The following NTM variants were observed in gnomAD, a reference collection of about 807,000 sequenced individuals.
NTM encodes the protein neurotrimin.
NTM carries 13 observed loss-of-function variants against 42.1 expected under a neutral mutation model. The ratio of observed to expected loss-of-function variants is 0.31; its 90% CI spans 0.20 to 0.49. The LOEUF is 0.49. Ranked by LOEUF, NTM falls within the 20% of genes least tolerant of loss-of-function variation. The probability of loss-of-function intolerance (pLI) is 0.99; values close to 1 mark genes in which losing one functional copy is unlikely to be tolerated. For synonymous variants in NTM, 187 were observed against 179.2 expected (o/e 1.04, Z -0.35); for missense variants, 373 against 452.8 (o/e 0.82, Z 1.60).
chr11:131,922,436 A>G (rs889478589), intron 2 of NTM, among the ~76,000 whole-genome samples: 2 of 152,158 alleles, frequency 1.3e-5, no homozygotes, highest in African/African-American at 4.8e-5. Context: ...CCCTTGACGC[A>G]AGGCCCACTG....
chr11:132,325,604 T>C (rs934724850), intron 7 of NTM, among the ~76,000 whole-genome samples: 3 of 152,036 alleles, frequency 2.0e-5, no homozygotes, highest in Admixed American at 6.6e-5. Flanking sequence ...TGGAAGTCAG[T>C]GTGGCGATTC....
intron 1 of NTM, among the ~76,000 whole-genome samples, chr11:131,376,395 G>A (rs1941978898): frequency 6.6e-6 from 1 of 151,576 alleles, no homozygotes; most frequent in Non-Finnish European, 1.5e-5. Flanking sequence ...CTTTTCTACT[G>A]CTTCTAAAAT....
At chr11:131,524,199 G>A (rs1022285) in intron 1 of NTM, among the ~76,000 whole-genome samples, 27,011 of 152,138 alleles carry the variant, frequency 0.18, 2,460 homozygotes, top group Middle Eastern at 0.23. Flanking sequence ...TCGCTCTCAC[G>A]CCTTGCTGCT....
At chr11:131,720,319 C>T (rs1380498382) in intron 1 of NTM, among the ~76,000 whole-genome samples, 6 of 152,134 alleles carry the variant, frequency 3.9e-5, no homozygotes, top group East Asian at 1.9e-4. Context: ...TGTTTACGTT[C>T]GAATCCCAGG....
At chr11:131,808,695 T>C (rs936985586) in intron 1 of NTM, among the ~76,000 whole-genome samples, 4 of 152,064 alleles carry the variant, frequency 2.6e-5, no homozygotes, top group African/African-American at 9.7e-5. Flanking sequence ...AGAGGAGTGC[T>C]CCTAGCTGTG....
At chr11:131,710,266 T>G (rs942193512) in intron 1 of NTM, among the ~76,000 whole-genome samples, 4 of 152,202 alleles carry the variant, frequency 2.6e-5, no homozygotes, top group African/African-American at 9.6e-5. Context: ...ATTCTACAAT[T>G]TCTCTTATCT....
chr11:132,255,963 G>GAAT (rs1591563521), intron 4 of NTM, among the ~76,000 whole-genome samples: 1 of 151,892 alleles, frequency 6.6e-6, no homozygotes, highest in African/African-American at 2.4e-5. Flanking sequence ...CAGAACCAAA[G>GAAT]AATAATAATA....
At chr11:132,239,078 A>G (rs1460729331) in intron 4 of NTM, among the ~76,000 whole-genome samples, 1 of 152,240 alleles carries the variant, frequency 6.6e-6, no homozygotes, top group Non-Finnish European at 1.5e-5. Context: ...AAAACTTCTC[A>G]GAAAGAATAT....
At chr11:132,031,236 G>T (rs553911343) in intron 2 of NTM, among the ~76,000 whole-genome samples, 1 of 152,130 alleles carries the variant, frequency 6.6e-6, no homozygotes, top group South Asian at 2.1e-4. Flanking sequence ...TTTACTCTTA[G>T]TGTGAACATC....
chr11:131,475,056 T>C (rs1422442041), intron 1 of NTM, among the ~76,000 whole-genome samples: 2 of 152,328 alleles, frequency 1.3e-5, no homozygotes, highest in East Asian at 3.9e-4. Context: ...AGCTGTCTGC[T>C]CAGAGTGTTC....
intron 2 of NTM, among the ~76,000 whole-genome samples, chr11:132,119,863 T>C (rs932195423): frequency 1.6e-4 from 25 of 152,160 alleles, no homozygotes; most frequent in African/African-American, 5.3e-4. Flanking sequence ...CTAGACCGAG[T>C]CCCCATCAAG....
At chr11:132,246,971 A>C (rs1373513065) in intron 4 of NTM, among the ~76,000 whole-genome samples, 1 of 152,178 alleles carries the variant, frequency 6.6e-6, no homozygotes, top group Non-Finnish European at 1.5e-5. Context: ...AGCTTTGCAG[A>C]TACTGTTCCC....
chr11:132,166,305 T>A (rs2075272940), intron 3 of NTM, among the ~76,000 whole-genome samples: 1 of 152,120 alleles, frequency 6.6e-6, no homozygotes, highest in African/African-American at 2.4e-5. Context: ...CACCTCATGG[T>A]CTCTATTAGT....
intron 2 of NTM, among the ~76,000 whole-genome samples, chr11:132,084,405 A>G (rs1459592641): frequency 6.6e-6 from 1 of 152,214 alleles, no homozygotes; most frequent in Non-Finnish European, 1.5e-5. Flanking sequence ...TTACTAAAAT[A>G]TAACCTGAAG....
chr11:132,095,564 T>G (rs906867151), intron 2 of NTM, among the ~76,000 whole-genome samples: 1 of 152,140 alleles, frequency 6.6e-6, no homozygotes, highest in Non-Finnish European at 1.5e-5. Context: ...AGACCAGAAC[T>G]AAAGAAGACA....
At chr11:132,290,271 T>A (rs2094411894) in intron 4 of NTM, among the ~76,000 whole-genome samples, 1 of 152,004 alleles carries the variant, frequency 6.6e-6, no homozygotes, top group Non-Finnish European at 1.5e-5. Context: ...TTTTTTTTTT[T>A]ATTATCACTG....
chr11:131,820,006 G>A (rs918457753), intron 1 of NTM, among the ~76,000 whole-genome samples: 4 of 152,194 alleles, frequency 2.6e-5, no homozygotes, highest in Non-Finnish European at 5.9e-5. Context: ...ATTTTTGAGT[G>A]ACAAAGCCTT....
At chr11:131,526,156 G>T (rs2050450249) in intron 1 of NTM, among the ~76,000 whole-genome samples, 1 of 152,220 alleles carries the variant, frequency 6.6e-6, no homozygotes, top group Non-Finnish European at 1.5e-5. Context: ...GAAGCCAAGA[G>T]CCCAAGGTGT....
At chr11:131,569,139 C>G (rs1040420553) in intron 1 of NTM, among the ~76,000 whole-genome samples, 2 of 147,912 alleles carry the variant, frequency 1.4e-5, no homozygotes, top group Admixed American at 1.3e-4. Flanking sequence ...TTTTTGTTTT[C>G]GTTTTCATTT....
Sources: gnomAD v4.1 joint callset for allele counts (sites outside exome capture counted in the v4.1 genomes callset) on GRCh38, gnomAD v4.1.1 for gene constraint, MANE v1.5 for transcripts, NCBI Gene and HGNC (gene_info 2026-07-23, HGNC 2026-07-21) for gene names.